The following ZNF280D variants were observed in gnomAD, a reference collection of about 807,000 sequenced individuals.
ZNF280D encodes zinc finger protein 280D.
ZNF280D carries 39 observed loss-of-function variants against 94.7 expected under a neutral mutation model. The ratio of observed to expected loss-of-function variants is 0.41; its 90% confidence interval spans 0.32 to 0.54. The LOEUF (loss-of-function observed/expected upper bound fraction) is 0.54. Among genes scored for constraint, ZNF280D ranks in the 20% least tolerant of loss-of-function variants. The pLI is 0.22. For synonymous variants in ZNF280D, 398 were observed against 377.6 expected, an observed-to-expected ratio of 1.05 and a Z score of -0.63; for missense variants, 1,090 against 1,149.3, an observed-to-expected ratio of 0.95 and a Z score of 0.75.
chr15:56,639,050 A>G (rs1177850827), intron 20 of ZNF280D, among the ~76,000 whole-genome samples: 2 of 152,064 alleles, frequency 1.3e-5, no homozygotes, highest in Admixed American at 1.3e-4. Flanking sequence ...ACAAAAGAAA[A>G]AAGTATATAT....
intron 19 of ZNF280D, chr15:56,645,361 G>A (rs1400751140): frequency 6.6e-6 from 1 of 152,116 alleles, no homozygotes; most frequent in African/African-American, 2.4e-5. Context: ...AAGAGAACAG[G>A]ACTGACTGGT....
rs2052087595 is a variant in ZNF280D at position 56,631,804 on chromosome 15, T to C, written c.2634A>G (p.Ser878=). 1 of 1,614,006 alleles carries C rather than the reference T, an allele frequency of 6.2e-7. No individual in the cohort carries two copies. The highest frequency in any genetic ancestry group is 1.3e-5 in the African/African-American group (1 of 74,958). The change falls in exon 22 of 22, where the codon TCA becomes TCG. Residue 878 remains serine (S), a synonymous_variant. Transcript: ENST00000267807. ...CTAATCGCAAATCCTTAATATTCTT[T>C]GAAGAAAATCTGGCTTCACTGGAGT... ...DHNSSEARFS[S]KNIKDLRLAS...
chr15:56,687,079 T>C (rs988308482), intron 9 of ZNF280D, among the ~76,000 whole-genome samples: 1 of 152,044 alleles, frequency 6.6e-6, no homozygotes, highest in Non-Finnish European at 1.5e-5. Context: ...AGCTGATACA[T>C]AAAAATATAT....
In ZNF280D at chr15:56,678,836, C is replaced by A; in HGVS notation, c.1005-15G>T. ...GGTTCATAAACCTATAAATGGTTGT[C>A]AACAGGTGCAAAACTTGAGATTTAA... On this transcript the variant is annotated splice_polypyrimidine_tract_variant and intron_variant, in intron 10 of 21. Transcript: ENST00000267807. The A allele has an allele frequency of 6.6e-7, 1 of 1,507,728 alleles. No homozygotes were observed. Among genetic ancestry groups the A allele is most frequent in the Non-Finnish European group, 8.9e-7 (1 of 1,125,266 alleles). The allele number at this position is 1,507,728 out of a possible 1,614,324, so 93.4% of individuals were successfully genotyped here. A position where few individuals can be genotyped will look rare whatever the true frequency, so the allele number is the denominator to read the frequency against.
At chr15:56,653,944 C>A in intron 19 of ZNF280D, 2 of 1,360,252 alleles carry the variant, frequency 1.5e-6, no homozygotes, top group Non-Finnish European at 1.9e-6. Context: ...GAGCTAGTGT[C>A]ATGAACTTGG....
intron 1 of ZNF280D, among the ~76,000 whole-genome samples, chr15:56,713,428 T>C (rs1053274315): frequency 6.6e-6 from 1 of 152,206 alleles, no homozygotes. Flanking sequence ...CAGTAAAGTT[T>C]GATCTTTCAT....
intron 6 of ZNF280D, among the ~76,000 whole-genome samples, chr15:56,695,926 C>T (rs1377111461): frequency 2.6e-5 from 4 of 152,164 alleles, no homozygotes; most frequent in African/African-American, 9.7e-5. Context: ...ACACTCTTCT[C>T]ACTTTTCTAA....
At chr15:56,647,107 T>C (rs1188095251) in intron 19 of ZNF280D, among the ~76,000 whole-genome samples, 10 of 152,166 alleles carry the variant, frequency 6.6e-5, no homozygotes, top group African/African-American at 2.4e-4. Flanking sequence ...TTAATGCTAA[T>C]AGGAAAGTAT....
At chr15:56,726,993 T>G (rs2058660361) in intron 1 of ZNF280D, among the ~76,000 whole-genome samples, 1 of 152,166 alleles carries the variant, frequency 6.6e-6, no homozygotes, top group Non-Finnish European at 1.5e-5. Context: ...TTTATACTAT[T>G]TTAACCCCCC....
At chr15:56,713,933 T>G (rs2057906030) in intron 1 of ZNF280D, among the ~76,000 whole-genome samples, 1 of 152,160 alleles carries the variant, frequency 6.6e-6, no homozygotes, top group Admixed American at 6.5e-5. Context: ...ATAGAAAATG[T>G]AAATCATAAG....
chr15:56,671,710 A>G (rs2054876225), intron 13 of ZNF280D, among the ~76,000 whole-genome samples: 1 of 152,136 alleles, frequency 6.6e-6, no homozygotes, highest in African/African-American at 2.4e-5. Flanking sequence ...AGTTTTGTGA[A>G]GAATGTCCAT....
At chr15:56,721,639 TA>T (rs199804079) in intron 1 of ZNF280D, among the ~76,000 whole-genome samples, 1,801 of 152,306 alleles carry the variant, frequency 0.012, 34 homozygotes, top group African/African-American at 0.042. Context: ...TCATCTCTGT[TA>T]GCTTCAAGCT....
chr15:56,731,674 A>G (rs1204223570), intron 1 of ZNF280D, among the ~76,000 whole-genome samples: 1 of 152,186 alleles, frequency 6.6e-6, no homozygotes, highest in Non-Finnish European at 1.5e-5. Flanking sequence ...CAAAATACAT[A>G]CTGACACACA....
chr15:56,695,817 T>A (rs574769918), intron 6 of ZNF280D, among the ~76,000 whole-genome samples: 116 of 152,214 alleles, frequency 7.6e-4, no homozygotes, highest in Non-Finnish European at 1.4e-3. Context: ...TGTGAGGCAC[T>A]GCACCCGGCC....
intron 19 of ZNF280D, among the ~76,000 whole-genome samples, chr15:56,649,105 G>GA (rs1391110169): frequency 6.6e-6 from 1 of 151,676 alleles, no homozygotes; most frequent in Non-Finnish European, 1.5e-5. Flanking sequence ...AAAACGTGAA[G>GA]AAAAAAAATA....
Position 56,704,110 on chromosome 15 carries a change from T to C in ZNF280D, c.175+11A>G. 1 of 1,613,254 alleles carries C rather than the reference T, an allele frequency of 6.2e-7. No individual in the cohort carries two copies. The highest frequency in any genetic ancestry group is 8.5e-7 in the Non-Finnish European group (1 of 1,179,768). On this transcript the variant is annotated intron_variant, in intron 4 of 21. Coordinates refer to ENST00000267807, the MANE Select transcript of ZNF280D (RefSeq NM_017661.4). The stretch of plus-strand genomic sequence containing the variant: ...TTATAAAGCTTGGTTTCACTAAAAG[T>C]AAATGCTTACTTGAAATTGCTGGTT...
intron 19 of ZNF280D, among the ~76,000 whole-genome samples, chr15:56,647,054 G>C (rs747330890): frequency 3.3e-5 from 5 of 152,148 alleles, no homozygotes; most frequent in Non-Finnish European, 5.9e-5. Context: ...GCCTCTTCAG[G>C]GAAGGTCTTG....
At chr15:56,642,880 A>T in intron 20 of ZNF280D, 72 bp downstream of exon 20, 1 of 1,191,878 alleles carries the variant, frequency 8.4e-7, no homozygotes, top group Non-Finnish European at 1.1e-6. Context: ...AAATTGAAAA[A>T]AAATTTTATA....
chr15:56,653,600 C>T, intron 19 of ZNF280D: 1 of 1,479,166 alleles, frequency 6.8e-7, no homozygotes, highest in Non-Finnish European at 8.9e-7. Flanking sequence ...GCTTCTGCAT[C>T]TGAAAAATAA....
Sources: gnomAD v4.1 joint callset for allele counts (sites outside exome capture counted in the v4.1 genomes callset) on GRCh38, gnomAD v4.1.1 for gene constraint, MANE v1.5 for transcripts, NCBI Gene and HGNC (gene_info 2026-07-23, HGNC 2026-07-21) for gene names.